ITGA2: variants seen among roughly 807,000 people sequenced by gnomAD.
The protein encoded by ITGA2 is integrin alpha-2.
In ITGA2, 101 loss-of-function variants were observed where a neutral mutation model predicts 146.3. The ratio of observed to expected loss-of-function variants is 0.69; its 90% CI spans 0.59 to 0.81. ITGA2 has a LOEUF of 0.81. Among genes scored for constraint, ITGA2 ranks in the 40% least tolerant of loss-of-function variants. The pLI is 0.00. For missense variants in ITGA2, 1,281 were observed against 1,402.7 expected (o/e 0.91, Z 1.39); for synonymous variants, 477 against 487.1 (o/e 0.98, Z 0.27).
rs201616242 is a variant in ITGA2, at chr5:53,048,477, C to T, written c.502C>T (p.Pro168Ser). The stretch of plus-strand genomic sequence containing the variant: ...AGCCAGCTTCTCACCTGCAACTCAG[C>T]GTAAGTTATTAATGTGCAGATGGTC... ...LSASFSPATQ[P>S]CPSLIDVVVV... Residue 168 changes from proline to serine, a missense_variant and splice_region_variant, in exon 5 of 30, where the codon CCC (proline) becomes TCC (serine). Pro to Ser is a moderately conservative substitution (Grantham distance 74). Coordinates refer to ENST00000296585, the MANE Select transcript of ITGA2 (RefSeq NM_002203.4). The T allele has an allele frequency of 4.3e-5, 70 of 1,613,454 alleles. No homozygotes were observed. The highest frequency in any genetic ancestry group is 4.3e-4 in the Admixed American group (26 of 60,010).
At chr5:53,058,930 A>C (rs1744776081) in intron 10 of ITGA2, among the ~76,000 whole-genome samples, 3 of 151,928 alleles carry the variant, frequency 2.0e-5, no homozygotes, top group Admixed American at 1.3e-4. Flanking sequence ...ACATACGCTG[A>C]AGTCCTTTCA....
intron 27 of ITGA2, among the ~76,000 whole-genome samples, chr5:53,084,574 G>GGCTTGCTTGCTT (rs1386995223): frequency 6.6e-6 from 1 of 152,104 alleles, no homozygotes; most frequent in South Asian, 2.1e-4. Context: ...TATTTCTTCT[G>GGCTTGCTTGCTT]GCTTGCTTGC....
intron 1 of ITGA2, among the ~76,000 whole-genome samples, chr5:52,998,025 A>T (rs923018183): frequency 6.6e-6 from 1 of 152,218 alleles, no homozygotes; most frequent in Non-Finnish European, 1.5e-5. Context: ...TTAAAAATTT[A>T]TGGAAGTAGT....
At chr5:53,050,117 CCTT>C (rs573350624) in intron 6 of ITGA2, among the ~76,000 whole-genome samples, 2 of 152,124 alleles carry the variant, frequency 1.3e-5, no homozygotes, top group African/African-American at 4.8e-5. Context: ...ATATGTATCT[CCTT>C]ATTTCCTCTG....
In ITGA2 at chr5:53,048,552, G is replaced by T. The variant is rs973579586; in HGVS notation, c.502+75G>T. The T allele has an allele frequency of 3.7e-6, 6 of 1,606,824 alleles. No homozygotes were observed. The African/African-American group carries it at 6.7e-5, about 18-fold the overall frequency. ...AGGGGGAAAAGGTTATCAACTAGTG[G>T]CACCCAAACCCTCCTTAAGTCTCAT... On this transcript the variant is annotated intron_variant, in intron 5 of 29. Transcript: ENST00000296585.
Position 53,090,670 on chromosome 5 carries a change from T to TAAAAAGAAATC in ITGA2, c.*71_*72insAAAAAGAAATC. 1.7e-6 allele frequency: 2 copies of TAAAAAGAAATC among 1,190,176 alleles called. No homozygotes were observed. Among genetic ancestry groups the TAAAAAGAAATC allele is most frequent in the African/African-American group, 1.5e-5 (1 of 66,176 alleles). 73.7% of individuals were successfully genotyped at this position (1,190,176 alleles called of 1,614,324 possible). ...GGTTTGCTGTTTGCGTGAATGGATTTCTTTTTAAATCCCATATTTTTTTTA... is the reference window on the plus strand; with the variant it reads ...GGTTTGCTGTTTGCGTGAATGGATTTAAAAAGAAATCCTTTTTAAATCCCATATTTTTTTTA... On this transcript the variant is annotated 3_prime_UTR_variant, in exon 30 of 30. Transcript: ENST00000296585.
chr5:53,089,531 G>A (rs1223310197), intron 28 of ITGA2: 1 of 185,714 alleles, frequency 5.4e-6, no homozygotes, highest in African/African-American at 2.4e-5. Context: ...CCAATACAAA[G>A]CTGCTGTTTC....
intron 1 of ITGA2, among the ~76,000 whole-genome samples, chr5:53,016,589 C>G (rs1742409072): frequency 6.6e-6 from 1 of 152,124 alleles, no homozygotes; most frequent in Non-Finnish European, 1.5e-5. Flanking sequence ...TGTCTGGTAT[C>G]CTACAGGGGT....
Position 53,074,452 on chromosome 5 carries a change from A to G in ITGA2, c.2639A>G (p.Tyr880Cys), listed in dbSNP as rs761637572. 1 of 1,612,200 alleles carries G rather than the reference A, an allele frequency of 6.2e-7. No individual in the cohort carries two copies. Among genetic ancestry groups the G allele is most frequent in the Non-Finnish European group, 8.5e-7 (1 of 1,178,904 alleles). ...AAGTCTGTTGCCTGCGATGTAGGCTACCCTGCTTTAAAGAGAGAACAACAG... is the reference window on the plus strand; with the variant it reads ...AAGTCTGTTGCCTGCGATGTAGGCTGCCCTGCTTTAAAGAGAGAACAACAG... ...SQKSVACDVG[Y>C]PALKREQQVT... The change falls in exon 21 of 30, where the codon TAC (tyrosine) becomes TGC (cysteine). Residue 880 changes from tyrosine to cysteine, a missense_variant. By Grantham distance (194) the Tyr-to-Cys change is radical. Around this residue, in one of 3 missense-constraint regions of ITGA2, gnomAD observed 475 missense variants for 530.5 expected, o/e 0.90. Coordinates refer to ENST00000296585, the MANE Select transcript of ITGA2 (RefSeq NM_002203.4).
chr5:53,026,877 A>G lies in ITGA2; in HGVS notation c.185+9A>G. ...AATCCAAAAGGCAACTGGTAAGAAT[A>G]TTCTCTTCTTTATGATTTCAGTAAA... On this transcript the variant is annotated intron_variant, in intron 2 of 29. Coordinates refer to ENST00000296585, the MANE Select transcript of ITGA2 (RefSeq NM_002203.4). The G allele has an allele frequency of 6.2e-7, 1 of 1,608,762 alleles. No homozygotes were observed. Among genetic ancestry groups the G allele is most frequent in the Non-Finnish European group, 8.5e-7 (1 of 1,175,348 alleles).
At chr5:52,992,555 T>C (rs1741014855) in intron 1 of ITGA2, among the ~76,000 whole-genome samples, 1 of 152,174 alleles carries the variant, frequency 6.6e-6, no homozygotes, top group African/African-American at 2.4e-5. Context: ...AGCCAGGAAT[T>C]TGTCCCCATG....
intron 4 of ITGA2, among the ~76,000 whole-genome samples, chr5:53,046,909 T>C (rs573538345): frequency 6.6e-6 from 1 of 152,224 alleles, no homozygotes; most frequent in East Asian, 1.9e-4. Context: ...CTGTTTTCCA[T>C]TGCTTTTAAA....
intron 9 of ITGA2, 144 bp downstream of exon 9, chr5:53,056,293 C>A: frequency 1.5e-6 from 1 of 653,010 alleles, no homozygotes; most frequent in African/African-American, 1.8e-5. Context: ...GGATGAAAAA[C>A]ATGAATAAAT....
intron 1 of ITGA2, among the ~76,000 whole-genome samples, chr5:52,990,607 C>G (rs1387842337): frequency 6.8e-6 from 1 of 146,990 alleles, no homozygotes; most frequent in Non-Finnish European, 1.5e-5. Context: ...TAAATATTTC[C>G]TAAGCTGTCC....
At chr5:53,042,796 CA>C (rs1428092969) in intron 3 of ITGA2, among the ~76,000 whole-genome samples, 1 of 151,966 alleles carries the variant, frequency 6.6e-6, no homozygotes. Context: ...TATGCTGATA[CA>C]AGTAAAAAGT....
At chr5:53,011,245 A>C (rs1373754957) in intron 1 of ITGA2, among the ~76,000 whole-genome samples, 5 of 152,198 alleles carry the variant, frequency 3.3e-5, no homozygotes, top group African/African-American at 7.2e-5. Context: ...TGTCTTTCCC[A>C]GCTGACTAAT....
intron 2 of ITGA2, among the ~76,000 whole-genome samples, chr5:53,031,759 C>G (rs1561104887): frequency 6.6e-6 from 1 of 152,184 alleles, no homozygotes; most frequent in Non-Finnish European, 1.5e-5. Flanking sequence ...CCTGGGCAGC[C>G]CTCTGGCTGT....
At chr5:53,014,053 T>C (rs923683127) in intron 1 of ITGA2, among the ~76,000 whole-genome samples, 7 of 151,928 alleles carry the variant, frequency 4.6e-5, no homozygotes, top group African/African-American at 1.7e-4. Flanking sequence ...TGCAAACAAA[T>C]AGTTTGACTT....
intron 2 of ITGA2, among the ~76,000 whole-genome samples, chr5:53,032,928 C>T (rs1356983055): frequency 1.3e-5 from 2 of 152,062 alleles, no homozygotes; most frequent in Non-Finnish European, 2.9e-5. Context: ...GTATGCCATC[C>T]TTATCAAACT....
Sources: gnomAD v4.1 joint callset for allele counts (sites outside exome capture counted in the v4.1 genomes callset) on GRCh38, gnomAD v4.1.1 for gene constraint, gnomAD v4.1.1 regional missense constraint, MANE v1.5 for transcripts, NCBI Gene and HGNC (gene_info 2026-07-23, HGNC 2026-07-21) for gene names.